Variants in CDH11 observed in about 807,000 individuals in gnomAD.
The protein encoded by CDH11 is cadherin-11.
In CDH11, 11 loss-of-function variants were observed where a neutral mutation model predicts 67.8. The ratio of observed to expected loss-of-function variants is 0.16; its 90% CI spans 0.10 to 0.27. The LOEUF (loss-of-function observed/expected upper bound fraction) is 0.27, where lower values mean the gene tolerates loss of function less well. Ranked by LOEUF, CDH11 falls within the 10% of genes least tolerant of loss-of-function variation. The pLI, the probability that CDH11 is intolerant of heterozygous loss-of-function variation, is 1.00. For synonymous variants in CDH11, 419 were observed against 400.0 expected (o/e 1.05, Z -0.57); for missense variants, 847 against 1,031.2 (o/e 0.82, Z 2.45).
chr16:65,040,812 A>G (rs1043627549), intron 2 of CDH11, among the ~76,000 whole-genome samples: 1 of 152,220 alleles, frequency 6.6e-6, no homozygotes, highest in Non-Finnish European at 1.5e-5. Flanking sequence ...TTTTATTGAC[A>G]TGTAATATGT....
intron 1 of CDH11, among the ~76,000 whole-genome samples, chr16:65,093,399 G>A (rs185693883): frequency 2.0e-5 from 3 of 152,070 alleles, no homozygotes; most frequent in African/African-American, 7.2e-5. Context: ...AAAAGGAGAT[G>A]GGTGACAGAA....
At chr16:65,012,426 G>A (rs1367212134) in intron 2 of CDH11, among the ~76,000 whole-genome samples, 1 of 152,206 alleles carries the variant, frequency 6.6e-6, no homozygotes, top group Non-Finnish European at 1.5e-5. Flanking sequence ...AGAACCTTCT[G>A]CAGTGAGTGA....
At chr16:65,105,269 C>T (rs747560459) in intron 1 of CDH11, among the ~76,000 whole-genome samples, 1 of 152,140 alleles carries the variant, frequency 6.6e-6, no homozygotes, top group East Asian at 1.9e-4. Context: ...CCAGAAAGCA[C>T]TGAGAATTAG....
At chr16:65,081,413 A>T (rs545601296) in intron 1 of CDH11, among the ~76,000 whole-genome samples, 1 of 152,158 alleles carries the variant, frequency 6.6e-6, no homozygotes, top group South Asian at 2.1e-4. Context: ...CCAAAAATAC[A>T]AAAAAATTAG....
At chr16:64,955,257 A>T (rs980481734) in intron 11 of CDH11, among the ~76,000 whole-genome samples, 1 of 152,082 alleles carries the variant, frequency 6.6e-6, no homozygotes, top group Non-Finnish European at 1.5e-5. Context: ...AAAAAACAAA[A>T]ATAAAAACAA....
At chr16:65,005,182 C>G (rs553221034) in intron 2 of CDH11, 141 bp from the exon 3 acceptor site, 2 of 664,432 alleles carry the variant, frequency 3.0e-6, no homozygotes, top group Non-Finnish European at 4.4e-6. Flanking sequence ...CTGCTTTGAG[C>G]TCAGCTTGCT....
At chr16:64,957,027 T>G (rs1479403695) in intron 11 of CDH11, among the ~76,000 whole-genome samples, 1 of 152,164 alleles carries the variant, frequency 6.6e-6, no homozygotes, top group African/African-American at 2.4e-5. Flanking sequence ...GGGCAATATA[T>G]GGACCAGCTC....
At chr16:65,054,746 T>C (rs1418597895) in intron 1 of CDH11, among the ~76,000 whole-genome samples, 1 of 152,204 alleles carries the variant, frequency 6.6e-6, no homozygotes, top group East Asian at 1.9e-4. Context: ...CACAACAGCA[T>C]AAAGGAGTTC....
At chr16:64,999,826 T>A (rs985326390) in intron 3 of CDH11, among the ~76,000 whole-genome samples, 5 of 152,304 alleles carry the variant, frequency 3.3e-5, no homozygotes, top group African/African-American at 1.2e-4. Flanking sequence ...TGAGCCACCA[T>A]GCCTGGCCAA....
intron 11 of CDH11, chr16:64,968,653 T>A: frequency 1.6e-6 from 1 of 606,428 alleles, no homozygotes; most frequent in Non-Finnish European, 2.1e-6. Flanking sequence ...CTAAAAACGC[T>A]GAATGCTTAT....
At chr16:65,093,817 TA>T (rs1475764244) in intron 1 of CDH11, among the ~76,000 whole-genome samples, 4 of 152,262 alleles carry the variant, frequency 2.6e-5, no homozygotes, top group African/African-American at 9.6e-5. Context: ...ATGCACACAT[TA>T]AAAACACTAA....
intron 2 of CDH11, among the ~76,000 whole-genome samples, chr16:65,025,751 T>C (rs999483188): frequency 6.6e-6 from 1 of 152,208 alleles, no homozygotes; most frequent in Non-Finnish European, 1.5e-5. Context: ...TTTTCTCTAA[T>C]ATGGATATAA....
chr16:64,946,920 A>G lies in CDH11; in HGVS notation c.*683T>C. 3 of 823,626 alleles carry G rather than the reference A, an allele frequency of 3.6e-6. No homozygotes were observed. Among genetic ancestry groups the G allele is most frequent in the Non-Finnish European group, 4.5e-6 (3 of 671,588 alleles). 51.0% of individuals were successfully genotyped at this position (823,626 alleles called of 1,614,324 possible). A position where few individuals can be genotyped will look rare whatever the true frequency, so the allele number is the denominator to read the frequency against. The stretch of plus-strand genomic sequence containing the variant: ...TCAGAATACTGATATTTATACGTAT[A>G]CTAAAATAAGAACTTTAAAATTGTA... On this transcript the variant is annotated 3_prime_UTR_variant, in exon 13 of 13. Coordinates refer to ENST00000268603, the MANE Select transcript of CDH11 (RefSeq NM_001797.4).
chr16:64,996,491 G>GAA (rs34268273), intron 4 of CDH11, among the ~76,000 whole-genome samples: 36,398 of 134,950 alleles, frequency 0.27, 5,580 homozygotes, highest in Middle Eastern at 0.37. Flanking sequence ...CTCTGTCTCA[G>GAA]AAAAAAAAAA....
chr16:65,068,284 A>T (rs2142759780), intron 1 of CDH11, among the ~76,000 whole-genome samples: 1 of 152,134 alleles, frequency 6.6e-6, no homozygotes, highest in Non-Finnish European at 1.5e-5. Context: ...GGGGCCTGAA[A>T]TGCCCTGTCT....
intron 10 of CDH11, 113 bp downstream of exon 10, chr16:64,971,818 A>G: frequency 1.4e-6 from 2 of 1,409,386 alleles, no homozygotes; most frequent in Non-Finnish European, 2.0e-6. Context: ...GAACAAAACT[A>G]TGGCTCTGAA....
chr16:65,052,402 T>C (rs1196999089), intron 2 of CDH11, among the ~76,000 whole-genome samples: 1 of 152,154 alleles, frequency 6.6e-6, no homozygotes, highest in African/African-American at 2.4e-5. Context: ...AATAGCTCCT[T>C]AGAGATAGTG....
chr16:65,024,249 G>A (rs559521805), intron 2 of CDH11, among the ~76,000 whole-genome samples: 63 of 152,296 alleles, frequency 4.1e-4, no homozygotes, highest in African/African-American at 1.4e-3. Context: ...ACTCCTCACT[G>A]AATTCCTTGT....
At chr16:65,050,758 C>T (rs964420053) in intron 2 of CDH11, among the ~76,000 whole-genome samples, 2 of 151,182 alleles carry the variant, frequency 1.3e-5, no homozygotes, top group Admixed American at 6.6e-5. Context: ...AAAAGCTTTG[C>T]AGAACTCTTC....
Sources: gnomAD v4.1 joint callset for allele counts (sites outside exome capture counted in the v4.1 genomes callset) on GRCh38, gnomAD v4.1.1 for gene constraint, MANE v1.5 for transcripts, NCBI Gene and HGNC (gene_info 2026-07-23, HGNC 2026-07-21) for gene names.